Variants in URB1 observed in about 807,000 individuals in gnomAD.
The protein encoded by URB1 is nucleolar pre-ribosomal-associated protein 1.
A neutral mutation model predicts 242.3 loss-of-function variants in URB1; 197 were observed. That is an observed-to-expected ratio of 0.81 (90% CI 0.72 to 0.91). The LOEUF (loss-of-function observed/expected upper bound fraction) is 0.91, where lower values mean the gene tolerates loss of function less well. URB1 is among the 40% of genes least tolerant of loss of function. The pLI is 0.00. For synonymous variants in URB1, 1,153 were observed against 1,201.8 expected, an observed-to-expected ratio of 0.96 and a Z score of 0.84; for missense variants, 2,721 against 2,860.5, an observed-to-expected ratio of 0.95 and a Z score of 1.11.
rs535599765 is a variant in URB1, at chr21:32,384,425, G to A, written c.322C>T (p.Arg108Trp). 22 of 1,551,704 alleles carry A rather than the reference G, an allele frequency of 1.4e-5. No individual in the cohort carries two copies. The highest frequency in any genetic ancestry group is 1.7e-4 in the Middle Eastern group (1 of 6,016). The part of the protein sequence containing the change: ...IFQVFEAILL[R>W]TASDLSHFHV... ...AAATGTGAAAGATCACTTGCTGTCCGCAATAATATGGCCTCGAAAACTTGA... is the reference window on the plus strand; with the variant it reads ...AAATGTGAAAGATCACTTGCTGTCCACAATAATATGGCCTCGAAAACTTGA... The change falls in exon 3 of 39, where the codon CGG (arginine) becomes TGG (tryptophan). Residue 108 changes from arginine to tryptophan, a missense_variant. Physicochemically the swap from Arg to Trp is moderately radical, Grantham distance 101. Coordinates refer to ENST00000382751, the MANE Select transcript of URB1 (RefSeq NM_014825.3).
At chr21:32,317,307 A>G (rs1357293051) in intron 37 of URB1, among the ~76,000 whole-genome samples, 1 of 152,188 alleles carries the variant, frequency 6.6e-6, no homozygotes, top group African/African-American at 2.4e-5. Flanking sequence ...GTCCTCTTTA[A>G]ACACAGGGAA....
Position 32,384,356 on chromosome 21 carries a change from G to C in URB1, c.391C>G (p.His131Asp), listed in dbSNP as rs372764607. Residue 131 changes from histidine (H) to aspartate (D), a missense_variant, in exon 3 of 39, where the codon CAC (histidine) becomes GAC (aspartate). His to Asp is a moderately conservative substitution (Grantham distance 81). Coordinates refer to ENST00000382751, the MANE Select transcript of URB1 (RefSeq NM_014825.3). ...TNIVKKLMNN[H>D]MKLICESLYA... is the part of the protein sequence containing the mutation. ...AGGGACTCACAGATGAGCTTCATGT[G>C]GTTGTTCATCAGCTTTTTCACAATG... is the stretch of plus-strand genomic sequence containing the variant. The C allele has an allele frequency of 6.4e-7, 1 of 1,552,338 alleles. No homozygotes were observed. Among genetic ancestry groups the C allele is most frequent in the African/African-American group, 1.4e-5 (1 of 73,180 alleles).
chr21:32,340,780 A>G (rs770395808), intron 25 of URB1, among the ~76,000 whole-genome samples: 2 of 152,256 alleles, frequency 1.3e-5, no homozygotes, highest in Middle Eastern at 3.4e-3. Context: ...AGACAGAGAA[A>G]GAGAAAAACA....
intron 21 of URB1, among the ~76,000 whole-genome samples, chr21:32,348,186 C>T (rs539531910): frequency 1.3e-5 from 2 of 152,244 alleles, no homozygotes; most frequent in South Asian, 2.1e-4. Flanking sequence ...GGGGGCGGGC[C>T]GTGCAGAAAC....
At chr21:32,322,619 C>A in intron 32 of URB1, 35 bp from the exon 33 acceptor site, 1 of 1,497,242 alleles carries the variant, frequency 6.7e-7, no homozygotes, top group Non-Finnish European at 9.1e-7. Context: ...TCATGGCAGG[C>A]CCCAGCAGGA....
chr21:32,321,933 C>T lies in URB1; in HGVS notation c.5352G>A (p.Glu1784=), dbSNP rs1269434301. The part of the protein sequence containing the change: ...FYSSDFEQKT[E]QKWVFGVLRQ... ...GCAGAACGCCAAACACCCACTTCTG[C>T]TCTGTTTTTTGCTATAACCCAGGCA... is the stretch of plus-strand genomic sequence containing the variant. Residue 1784 remains glutamate (E), a synonymous_variant, in exon 34 of 39, where the codon GAG becomes GAA. Transcript: ENST00000382751. 6.4e-7 allele frequency: 1 copy of T among 1,551,490 alleles called. No individual in the cohort carries two copies.
chr21:32,385,280 C>G (rs75212748), intron 2 of URB1, among the ~76,000 whole-genome samples: 1 of 152,118 alleles, frequency 6.6e-6, no homozygotes, highest in African/African-American at 2.4e-5. Context: ...TAAACCATAC[C>G]GAAACCAAGT....
Position 32,352,719 on chromosome 21 carries a change from T to C in URB1, c.2604A>G (p.Arg868=). 6.4e-7 allele frequency: 1 copy of C among 1,551,292 alleles called. No individual in the cohort carries two copies. The highest frequency in any genetic ancestry group is 8.7e-7 in the Non-Finnish European group (1 of 1,146,912). ...YYSLWIPEQA[R]EAWLLQAQGS... Reference sequence around the variant, plus strand: ...TGTGGCTGCAGCTCACCCAGGCCTCTCGGGCTTGCTCCGGGATCCAGAGGC... The same window carrying C: ...TGTGGCTGCAGCTCACCCAGGCCTCCCGGGCTTGCTCCGGGATCCAGAGGC... Residue 868 remains arginine (R), a synonymous_variant, in exon 19 of 39, where the codon CGA becomes CGG. Transcript: ENST00000382751.
At chr21:32,335,880 C>T (rs1325091745) in intron 28 of URB1, among the ~76,000 whole-genome samples, 2 of 152,228 alleles carry the variant, frequency 1.3e-5, no homozygotes, top group African/African-American at 2.4e-5. Context: ...ATCCTTGATT[C>T]GCTCTTCCCC....
At chr21:32,331,755 C>T (rs1193678880) in intron 30 of URB1, among the ~76,000 whole-genome samples, 1 of 152,240 alleles carries the variant, frequency 6.6e-6, no homozygotes, top group East Asian at 1.9e-4. Flanking sequence ...TGCCCCACTC[C>T]CAGCCACACC....
At position 32,317,761 on chromosome 21, in the gene URB1, G is replaced by C. The variant is rs2032710422; in HGVS notation, c.5949C>G (p.His1983Gln). The change falls in exon 37 of 39, where the codon CAC (histidine) becomes CAG (glutamine). Residue 1983 changes from histidine (H) to glutamine (Q), a missense_variant. His to Gln is a conservative substitution (Grantham distance 24). Transcript: ENST00000382751. ...GGTCTCTTTCAATGAGGCTCCACTT[G>C]TGCAAGAGGACAAGGACGTCCTTGG... Reference protein sequence around the residue: ...LSTKDVLVLLHKWSLIERDLK... With the variant: ...LSTKDVLVLLQKWSLIERDLK... 1 of 1,551,904 alleles carries C rather than the reference G, an allele frequency of 6.4e-7. No homozygotes were observed.
Position 32,354,840 on chromosome 21 carries a change from A to G in URB1, c.2245+19T>C. On this transcript the variant is annotated intron_variant, in intron 17 of 38. Coordinates refer to ENST00000382751, the MANE Select transcript of URB1 (RefSeq NM_014825.3). ...TGGTCTTCAGACCTCTGAGCAGCGC[A>G]GAACAGAATGGAACATACCGTCAAT... 1 of 1,551,358 alleles carries G rather than the reference A, an allele frequency of 6.4e-7. No homozygotes were observed. Among genetic ancestry groups the G allele is most frequent in the African/African-American group, 1.4e-5 (1 of 73,172 alleles).
chr21:32,333,706 C>T (rs562715288), intron 29 of URB1, among the ~76,000 whole-genome samples: 186 of 152,234 alleles, frequency 1.2e-3, no homozygotes, highest in African/African-American at 4.3e-3. Flanking sequence ...AAAGCAAAGG[C>T]GTCTCTATCT....
At chr21:32,368,700 ACAG>A (rs1251884801) in intron 8 of URB1, 102 bp from the exon 9 acceptor site, 1 of 976,366 alleles carries the variant, frequency 1.0e-6, no homozygotes, top group African/African-American at 1.7e-5. Flanking sequence ...CTCAGTGAAC[ACAG>A]CAATAACAAC....
At chr21:32,323,735 G>A (rs1416372792) in intron 32 of URB1, among the ~76,000 whole-genome samples, 1 of 152,192 alleles carries the variant, frequency 6.6e-6, no homozygotes, top group Non-Finnish European at 1.5e-5. Flanking sequence ...CACTTTGGGA[G>A]GCTGAAGCAG....
At position 32,361,935 on chromosome 21, in the gene URB1, T is replaced by G; in HGVS notation, c.1596A>C (p.Lys532Asn). Residue 532 changes from lysine (K) to asparagine (N), a missense_variant, in exon 12 of 39, where the codon AAA (lysine) becomes AAC (asparagine). Transcript: ENST00000382751. ...AGGCAGCCGGGGGCCCATCGCTCCTTTTCTGCCCTTTCTTGTCATCCTGTT... is the reference window on the plus strand; with the variant it reads ...AGGCAGCCGGGGGCCCATCGCTCCTGTTCTGCCCTTTCTTGTCATCCTGTT... ...ETKQDDKKGQ[K>N]RSDGPPAACD... 1 of 1,551,518 alleles carries G rather than the reference T, an allele frequency of 6.4e-7. No individual in the cohort carries two copies. The highest frequency in any genetic ancestry group is 8.7e-7 in the Non-Finnish European group (1 of 1,146,868).
In URB1 at chr21:32,347,037, C is replaced by G. The variant is rs1256897864; in HGVS notation, c.3787G>C (p.Gly1263Arg). ...AGGGGAAGGAAGTCGTCCAGGTCCCCCTGGAGGCCGAGCCCTGGGCCAGCC... is the reference window on the plus strand; with the variant it reads ...AGGGGAAGGAAGTCGTCCAGGTCCCGCTGGAGGCCGAGCCCTGGGCCAGCC... ...LQAGPGLGLQ[G>R]DLDDFLPLIH... Residue 1263 changes from glycine (G) to arginine (R), a missense_variant, in exon 22 of 39, where the codon GGG (glycine) becomes CGG (arginine). Transcript: ENST00000382751. The G allele has an allele frequency of 1.3e-6, 2 of 1,549,838 alleles. No individual in the cohort carries two copies. Among genetic ancestry groups the G allele is most frequent in the Non-Finnish European group, 1.7e-6 (2 of 1,145,884 alleles).
At chr21:32,378,224 G>A (rs1174856360) in intron 5 of URB1, among the ~76,000 whole-genome samples, 2 of 152,058 alleles carry the variant, frequency 1.3e-5, no homozygotes, top group Admixed American at 6.6e-5. Context: ...CATTCCAGAC[G>A]GCATAACAGG....
chr21:32,382,918 C>T (rs1288108696), intron 4 of URB1, among the ~76,000 whole-genome samples: 1 of 152,178 alleles, frequency 6.6e-6, no homozygotes, highest in Non-Finnish European at 1.5e-5. Context: ...TTTTCCTGGG[C>T]ACAATCCAAC....
Sources: allele counts gnomAD v4.1 joint callset (sites outside exome capture counted in the v4.1 genomes callset), GRCh38; gene constraint gnomAD v4.1.1; transcripts MANE v1.5; gene names NCBI Gene and HGNC (gene_info 2026-07-23, HGNC 2026-07-21).